Variants in PHC2 observed in about 807,000 individuals in gnomAD.
PHC2 encodes polyhomeotic-like protein 2.
PHC2 carries 29 observed loss-of-function variants against 87.4 expected under a neutral mutation model. The observed-to-expected ratio is 0.33, with a 90% CI of 0.25 to 0.45. The LOEUF (loss-of-function observed/expected upper bound fraction) is 0.45. Ranked by LOEUF, PHC2 falls within the 20% of genes least tolerant of loss-of-function variation. PHC2 has a pLI of 1.00. For missense variants in PHC2, 857 were observed against 1,136.7 expected (o/e 0.75, Z 3.54); for synonymous variants, 438 against 461.7 (o/e 0.95, Z 0.66).
At position 33,417,287 on chromosome 1, in the gene PHC2, C is replaced by T. The variant is rs546897921; in HGVS notation, c.-55+13689G>A. ...AGCAAGAATGTCAATTCAAGGCCAG[C>T]TATCCCGATAATTATAGTAAATGTA... On this transcript the variant is annotated intron_variant, in intron 1 of 14. Coordinates refer to ENST00000683057, the MANE Select transcript of PHC2 (RefSeq NM_001385109.1). Among the ~76,000 whole-genome samples the T allele has an allele frequency of 2.0e-5, 3 of 152,170 alleles. No homozygotes were observed. The East Asian group carries it at 5.8e-4, about 29-fold the overall frequency.
At chr1:33,371,163 C>T in intron 3 of PHC2, 69 bp from the exon 4 acceptor site, 1 of 1,284,994 alleles carries the variant, frequency 7.8e-7, no homozygotes, top group South Asian at 1.2e-5. Flanking sequence ...CTCTCATCAT[C>T]CACAGGAGGT....
chr1:33,352,173 C>T (rs1444287657), intron 9 of PHC2, among the ~76,000 whole-genome samples: 1 of 152,120 alleles, frequency 6.6e-6, no homozygotes, highest in African/African-American at 2.4e-5. Flanking sequence ...TTCTGGATTA[C>T]AAACACTTGA....
chr1:33,423,036 C>T (rs902918226), intron 1 of PHC2, among the ~76,000 whole-genome samples: 1 of 152,056 alleles, frequency 6.6e-6, no homozygotes, highest in African/African-American at 2.4e-5. Context: ...AAGACTAGAG[C>T]AGAGAGAGTA....
chr1:33,421,893 TC>T (rs1650449135), intron 1 of PHC2, among the ~76,000 whole-genome samples: 1 of 152,214 alleles, frequency 6.6e-6, no homozygotes, highest in Non-Finnish European at 1.5e-5. Flanking sequence ...ATGTGTTCTT[TC>T]TAAAAGGCGG....
intron 7 of PHC2, among the ~76,000 whole-genome samples, chr1:33,365,041 CG>C (rs1190692628): frequency 6.6e-6 from 1 of 152,164 alleles, no homozygotes; most frequent in Non-Finnish European, 1.5e-5. Context: ...CTGAGAGGGA[CG>C]ATCTGGCTTG....
At chr1:33,325,955 G>C (rs532342883) in intron 14 of PHC2, 6 of 454,400 alleles carry the variant, frequency 1.3e-5, no homozygotes, top group Non-Finnish European at 2.7e-5. Flanking sequence ...GAAGCTGCTG[G>C]GGAGGCCTAA....
At chr1:33,325,341 C>T (rs1013575498) in intron 14 of PHC2, 79 of 257,386 alleles carry the variant, frequency 3.1e-4, no homozygotes, top group African/African-American at 1.7e-3. Context: ...ATAAAGGGCA[C>T]AGCAGTTCTC....
intron 7 of PHC2, among the ~76,000 whole-genome samples, chr1:33,356,854 C>A (rs1647098210): frequency 6.6e-6 from 1 of 152,186 alleles, no homozygotes; most frequent in Admixed American, 6.5e-5. Flanking sequence ...TCCTCACTTC[C>A]CAGACAGGGC....
intron 1 of PHC2, among the ~76,000 whole-genome samples, chr1:33,420,036 G>GT (rs1265883870): frequency 6.6e-6 from 1 of 151,926 alleles, no homozygotes; most frequent in Non-Finnish European, 1.5e-5. Context: ...ATATTTACAA[G>GT]TTCTGGGGAT....
intron 7 of PHC2, among the ~76,000 whole-genome samples, chr1:33,356,267 A>ACGTATG (rs1235415120): frequency 1.1e-5 from 1 of 92,758 alleles, no homozygotes; most frequent in Non-Finnish European, 2.3e-5. Flanking sequence ...ATATATATAT[A>ACGTATG]TATATATATG....
chr1:33,339,630 A>G (rs1302915983), intron 9 of PHC2, among the ~76,000 whole-genome samples: 4 of 152,144 alleles, frequency 2.6e-5, no homozygotes, highest in Non-Finnish European at 4.4e-5. Context: ...TGATGTCCAG[A>G]GCTGACGGGC....
intron 6 of PHC2, 79 bp from the exon 7 acceptor site, chr1:33,367,507 T>A: frequency 3.2e-5 from 30 of 941,858 alleles, no homozygotes; most frequent in Non-Finnish European, 4.2e-5. Context: ...GAGAGAGGGA[T>A]GGATCCAGGA....
chr1:33,382,508 A>G lies in PHC2; in HGVS notation c.-54-6915T>C, dbSNP rs2148349097. 6.6e-6 allele frequency among the ~76,000 whole-genome samples: 1 copy of G among 152,222 alleles called. No individual in the cohort carries two copies. Among genetic ancestry groups the G allele is most frequent in the African/African-American group, 2.4e-5 (1 of 41,510 alleles). ...CCATCCCTGCGGACTCCCATTATAA[A>G]TCACAGCCAAATCTCATTAATGGCT... is the stretch of plus-strand genomic sequence containing the variant. On this transcript the variant is annotated intron_variant, in intron 1 of 14. Transcript: ENST00000683057. The surrounding 1 kb of genome is among the most constrained non-coding windows in gnomAD (Gnocchi z 4.3).
At chr1:33,426,550 AAC>A (rs1650679988) in intron 1 of PHC2, among the ~76,000 whole-genome samples, 1 of 152,200 alleles carries the variant, frequency 6.6e-6, no homozygotes, top group African/African-American at 2.4e-5. Flanking sequence ...TCAGGACTAT[AAC>A]TCTCTCCAGT....
At chr1:33,408,385 T>G (rs1200621724) in intron 1 of PHC2, among the ~76,000 whole-genome samples, 1 of 152,224 alleles carries the variant, frequency 6.6e-6, no homozygotes, top group African/African-American at 2.4e-5. Flanking sequence ...TGGATGTATG[T>G]TCTTTCTCCT....
At chr1:33,325,081 A>C in intron 14 of PHC2, 62 bp from the exon 15 acceptor site, 1 of 1,464,336 alleles carries the variant, frequency 6.8e-7, no homozygotes, top group Non-Finnish European at 9.3e-7. Context: ...TCTGGCAGCC[A>C]CTGCATCTAG....
At chr1:33,406,952 C>T (rs1055121252) in intron 1 of PHC2, among the ~76,000 whole-genome samples, 1 of 152,168 alleles carries the variant, frequency 6.6e-6, no homozygotes, top group Non-Finnish European at 1.5e-5. Flanking sequence ...CTTACCCTAT[C>T]TTGCATATGA....
intron 1 of PHC2, among the ~76,000 whole-genome samples, chr1:33,401,544 T>C (rs1036352097): frequency 5.3e-5 from 8 of 152,184 alleles, no homozygotes; most frequent in African/African-American, 1.9e-4. Context: ...TTTAGTGATA[T>C]CACATTGGAA....
In PHC2 at chr1:33,349,726, G is replaced by C; in HGVS notation, c.1558+4675C>G. On this transcript the variant is annotated intron_variant, in intron 9 of 14. Coordinates refer to ENST00000683057, the MANE Select transcript of PHC2 (RefSeq NM_001385109.1). The surrounding 1 kb of genome is among the most constrained non-coding windows in gnomAD (Gnocchi z 4.2). ...GCCGGGAGCCTCCGAGCCGGGGCCC[G>C]GGGCTGCCGCGGCGCATCCGACCGC... 1.0e-6 allele frequency: 1 copy of C among 994,782 alleles called. No homozygotes were observed. Among genetic ancestry groups the C allele is most frequent in the Admixed American group, 5.5e-5 (1 of 18,086 alleles). 61.6% of individuals were successfully genotyped at this position (994,782 alleles called of 1,614,324 possible). A position where few individuals can be genotyped will look rare whatever the true frequency, so the allele number is the denominator to read the frequency against.
Sources: gnomAD v4.1 joint callset for allele counts (sites outside exome capture counted in the v4.1 genomes callset) on GRCh38, gnomAD v4.1.1 for gene constraint, Gnocchi (gnomAD v3.1) non-coding constraint, MANE v1.5 for transcripts, NCBI Gene and HGNC (gene_info 2026-07-23, HGNC 2026-07-21) for gene names.